Variants in PDLIM5 observed in about 807,000 individuals in gnomAD.
The protein encoded by PDLIM5 is PDZ and LIM domain protein 5.
PDLIM5 carries 34 observed loss-of-function variants against 64.2 expected under a neutral mutation model. The observed-to-expected ratio is 0.53, with a 90% confidence interval of 0.40 to 0.71. The LOEUF (loss-of-function observed/expected upper bound fraction) is 0.71, where lower values mean the gene tolerates loss of function less well. Ranked by LOEUF, PDLIM5 falls within the 30% of genes least tolerant of loss-of-function variation. PDLIM5 has a pLI of 0.00. For synonymous variants in PDLIM5, 253 were observed against 269.1 expected (o/e 0.94, Z 0.59); for missense variants, 683 against 733.6 (o/e 0.93, Z 0.80).
chr4:94,475,086 A>G (rs1342514472), intron 2 of PDLIM5, among the ~76,000 whole-genome samples: 1 of 152,118 alleles, frequency 6.6e-6, no homozygotes, highest in Non-Finnish European at 1.5e-5. Flanking sequence ...ATCCCACTGA[A>G]AAGTTTTATA....
intron 2 of PDLIM5, among the ~76,000 whole-genome samples, chr4:94,522,905 G>T (rs541687141): frequency 2.0e-5 from 3 of 151,988 alleles, no homozygotes; most frequent in Admixed American, 6.6e-5. Context: ...AATTTGAATG[G>T]TTTCTTTAAT....
At chr4:94,660,366 G>T (rs369470954) in intron 11 of PDLIM5, among the ~76,000 whole-genome samples, 227 of 152,070 alleles carry the variant, frequency 1.5e-3, no homozygotes, top group African/African-American at 5.3e-3. Context: ...AATGTTCTTT[G>T]TCAGTTTTTC....
intron 7 of PDLIM5, among the ~76,000 whole-genome samples, chr4:94,612,075 G>A (rs894383639): frequency 2.0e-5 from 3 of 151,996 alleles, no homozygotes; most frequent in South Asian, 2.1e-4. Flanking sequence ...AAAATTAGCC[G>A]GGTGTGGCAG....
intron 2 of PDLIM5, among the ~76,000 whole-genome samples, chr4:94,479,856 A>G (rs1205060288): frequency 6.6e-6 from 1 of 152,120 alleles, no homozygotes; most frequent in East Asian, 1.9e-4. Context: ...ATCTTGGCAG[A>G]AGTATACTGG....
intron 8 of PDLIM5, among the ~76,000 whole-genome samples, chr4:94,618,495 T>C (rs1738967461): frequency 6.6e-6 from 1 of 152,220 alleles, no homozygotes; most frequent in African/African-American, 2.4e-5. Flanking sequence ...AACAACTATA[T>C]TGTTGGAAGG....
At chr4:94,653,458 T>G (rs1411648799) in intron 9 of PDLIM5, among the ~76,000 whole-genome samples, 40 of 152,180 alleles carry the variant, frequency 2.6e-4, no homozygotes, top group Non-Finnish European at 1.5e-5. Context: ...CTCTGCAGGC[T>G]TCATGACTAG....
At chr4:94,583,979 AATCTG>A (rs1353298882) in intron 5 of PDLIM5, among the ~76,000 whole-genome samples, 1 of 152,214 alleles carries the variant, frequency 6.6e-6, no homozygotes, top group Non-Finnish European at 1.5e-5. Flanking sequence ...GCACACACTG[AATCTG>A]ATTTTAAAGC....
intron 2 of PDLIM5, among the ~76,000 whole-genome samples, chr4:94,478,229 C>T (rs1233320224): frequency 6.9e-6 from 1 of 145,196 alleles, no homozygotes; most frequent in African/African-American, 2.6e-5. Flanking sequence ...GCACTCCAGC[C>T]TGGGCAACAG....
intron 2 of PDLIM5, among the ~76,000 whole-genome samples, chr4:94,465,368 A>T (rs1724256127): frequency 6.6e-6 from 1 of 152,110 alleles, no homozygotes; most frequent in South Asian, 2.1e-4. Flanking sequence ...TAATTCTCAT[A>T]ACAGCCCCAT....
chr4:94,598,766 C>T (rs573137351), intron 7 of PDLIM5, among the ~76,000 whole-genome samples: 22 of 151,912 alleles, frequency 1.4e-4, no homozygotes, highest in Non-Finnish European at 3.1e-4. Flanking sequence ...TAATATAGTA[C>T]AACATGAATA....
intron 7 of PDLIM5, among the ~76,000 whole-genome samples, chr4:94,614,867 G>T (rs1261886465): frequency 6.6e-6 from 1 of 152,152 alleles, no homozygotes; most frequent in Non-Finnish European, 1.5e-5. Context: ...AATTGAGGAA[G>T]CAAGATTTTG....
rs1490285005 is a variant in PDLIM5 at position 94,516,457 on chromosome 4, C to T, written c.97-7267C>T. Among the ~76,000 whole-genome samples, 3 of 152,116 alleles carry T rather than the reference C, an allele frequency of 2.0e-5. 1 individual carries two copies. The highest frequency in any genetic ancestry group is 6.3e-3 in the Middle Eastern group (2 of 316). On this transcript the variant is annotated intron_variant, in intron 2 of 12. Transcript: ENST00000317968. ...TTTATTTCCCTACCATTCTAACCTA[C>T]AAAAAGCCTTATCATTTTATTTCAC...
chr4:94,664,921 A>C lies in PDLIM5; in HGVS notation c.*854A>C. The C allele has an allele frequency of 1.0e-6, 1 of 981,122 alleles. No individual in the cohort carries two copies. The highest frequency in any genetic ancestry group is 1.2e-6 in the Non-Finnish European group (1 of 826,016). 60.8% of individuals were successfully genotyped at this position (981,122 alleles called of 1,614,324 possible). A position where few individuals can be genotyped will look rare whatever the true frequency, so the allele number is the denominator to read the frequency against. ...TTTTTGCCTTACAGTGGATCATTCT[A>C]GTAGGAAAGGACAATAAGATTTTTT... On this transcript the variant is annotated 3_prime_UTR_variant, in exon 13 of 13. Transcript: ENST00000317968.
intron 5 of PDLIM5, chr4:94,584,940 C>G (rs1288004918): frequency 7.5e-7 from 1 of 1,326,806 alleles, no homozygotes; most frequent in Non-Finnish European, 1.1e-6. Flanking sequence ...CCTTTTTCTT[C>G]ATGTTGGAAA....
intron 8 of PDLIM5, among the ~76,000 whole-genome samples, chr4:94,631,065 C>CTTTTT (rs35302992): frequency 7.4e-6 from 1 of 135,694 alleles, no homozygotes; most frequent in Non-Finnish European, 1.6e-5. Flanking sequence ...CCATGCCAAA[C>CTTTTT]TTTTTTTTTT....
At chr4:94,540,141 T>C (rs1393517322) in intron 3 of PDLIM5, among the ~76,000 whole-genome samples, 1 of 151,406 alleles carries the variant, frequency 6.6e-6, no homozygotes. Context: ...TCTTTTTTTT[T>C]TTTTTTTGAG....
At chr4:94,497,659 C>T (rs1184433680) in intron 2 of PDLIM5, among the ~76,000 whole-genome samples, 1 of 152,130 alleles carries the variant, frequency 6.6e-6, no homozygotes, top group Non-Finnish European at 1.5e-5. Context: ...GTCTTCAGTG[C>T]ATGTCATCAA....
intron 2 of PDLIM5, among the ~76,000 whole-genome samples, chr4:94,468,354 T>G (rs768336731): frequency 6.6e-5 from 10 of 152,146 alleles, no homozygotes; most frequent in African/African-American, 1.2e-4. Flanking sequence ...AGCTCTTGCT[T>G]TGTTGCCCAG....
At chr4:94,485,031 G>A (rs535821587) in intron 2 of PDLIM5, among the ~76,000 whole-genome samples, 10 of 152,270 alleles carry the variant, frequency 6.6e-5, no homozygotes, top group Admixed American at 2.0e-4. Flanking sequence ...AGGTGGGTAT[G>A]AGGGGACTTT....
Sources: gnomAD v4.1 joint callset for allele counts (sites outside exome capture counted in the v4.1 genomes callset) on GRCh38, gnomAD v4.1.1 for gene constraint, MANE v1.5 for transcripts, NCBI Gene and HGNC (gene_info 2026-07-23, HGNC 2026-07-21) for gene names.